Variants in SMAP1 observed in about 807,000 individuals in gnomAD.
SMAP1 encodes the protein small ArfGAP 1, also known as stromal membrane-associated protein 1.
In SMAP1, 24 loss-of-function variants were observed where a neutral mutation model predicts 58.5. The ratio of observed to expected loss-of-function variants is 0.41; its 90% confidence interval spans 0.30 to 0.58. SMAP1 has a LOEUF of 0.58. Among genes scored for constraint, SMAP1 ranks in the 20% least tolerant of loss-of-function variants. The pLI, the probability that SMAP1 is intolerant of heterozygous loss-of-function variation, is 0.29. For synonymous variants in SMAP1, 216 were observed against 196.6 expected (o/e 1.10, Z -0.82); for missense variants, 563 against 566.3 (o/e 0.99, Z 0.06).
intron 3 of SMAP1, among the ~76,000 whole-genome samples, chr6:70,766,069 A>G (rs571497272): frequency 6.6e-6 from 1 of 152,340 alleles, no homozygotes; most frequent in East Asian, 1.9e-4. Flanking sequence ...TACAAAGGAC[A>G]TGAACTCATC....
chr6:70,784,589 C>A (rs559319041), intron 4 of SMAP1, among the ~76,000 whole-genome samples: 12 of 151,852 alleles, frequency 7.9e-5, no homozygotes, highest in South Asian at 2.1e-4. Context: ...ATAGGCTCAA[C>A]ATAAAGGGAT....
chr6:70,809,276 T>C (rs957411100), intron 6 of SMAP1, among the ~76,000 whole-genome samples: 1 of 152,120 alleles, frequency 6.6e-6, no homozygotes, highest in Admixed American at 6.6e-5. Flanking sequence ...AAGGAGATAA[T>C]GTAGATGAAT....
chr6:70,770,134 G>A (rs1221104317), intron 3 of SMAP1, among the ~76,000 whole-genome samples: 7 of 151,810 alleles, frequency 4.6e-5, no homozygotes, highest in Non-Finnish European at 7.4e-5. Flanking sequence ...AGTCTGATGG[G>A]CTTCCCTTTG....
At chr6:70,681,583 T>G (rs1307541371) in intron 1 of SMAP1, among the ~76,000 whole-genome samples, 1 of 152,212 alleles carries the variant, frequency 6.6e-6, no homozygotes, top group Non-Finnish European at 1.5e-5. Context: ...AAAATAAATT[T>G]AATGGTCTGA....
chr6:70,689,342 C>T (rs1474833962), intron 1 of SMAP1, among the ~76,000 whole-genome samples: 1 of 152,088 alleles, frequency 6.6e-6, no homozygotes, highest in Non-Finnish European at 1.5e-5. Flanking sequence ...TAGTCTTTCT[C>T]CTTTTGCACC....
intron 1 of SMAP1, among the ~76,000 whole-genome samples, chr6:70,728,830 TC>T (rs1360703630): frequency 6.6e-6 from 1 of 152,176 alleles, no homozygotes; most frequent in Admixed American, 6.5e-5. Context: ...GGGTGAATTA[TC>T]TTTCTCCCTC....
intron 6 of SMAP1, among the ~76,000 whole-genome samples, chr6:70,834,987 C>T (rs771527353): frequency 2.8e-4 from 42 of 151,896 alleles, no homozygotes; most frequent in African/African-American, 9.2e-4. Flanking sequence ...CAGTGGCTCA[C>T]GCCTGTAATC....
chr6:70,851,192 ACT>A (rs1771171222), intron 7 of SMAP1, among the ~76,000 whole-genome samples: 1 of 152,080 alleles, frequency 6.6e-6, no homozygotes. Flanking sequence ...GGCTTTACAC[ACT>A]CTTTTGTAAA....
At chr6:70,836,419 A>G (rs1466580648) in intron 6 of SMAP1, among the ~76,000 whole-genome samples, 1 of 152,208 alleles carries the variant, frequency 6.6e-6, no homozygotes, top group Admixed American at 6.5e-5. Flanking sequence ...CATGGGAATT[A>G]TGGGAGCTAT....
intron 6 of SMAP1, among the ~76,000 whole-genome samples, chr6:70,819,841 A>G (rs1769808253): frequency 6.6e-6 from 1 of 152,228 alleles, no homozygotes; most frequent in Admixed American, 6.5e-5. Flanking sequence ...TTACAGTAAT[A>G]TGCTTCTACT....
At chr6:70,844,467 TGTA>T (rs908400711) in intron 7 of SMAP1, among the ~76,000 whole-genome samples, 9 of 152,130 alleles carry the variant, frequency 5.9e-5, no homozygotes, top group Admixed American at 4.6e-4. Context: ...TGTAGAAATG[TGTA>T]GTAGATTTCC....
intron 1 of SMAP1, among the ~76,000 whole-genome samples, chr6:70,698,098 G>C (rs1044421136): frequency 6.6e-6 from 1 of 152,134 alleles, no homozygotes; most frequent in Non-Finnish European, 1.5e-5. Context: ...GTCTGGTGTT[G>C]ATGAAATCCC....
intron 10 of SMAP1, 198 bp from the exon 11 acceptor site, chr6:70,860,002 A>C: frequency 4.0e-6 from 2 of 495,740 alleles, no homozygotes; most frequent in Non-Finnish European, 3.3e-6. Flanking sequence ...TCTTTGGGGA[A>C]ACTGTATCTA....
chr6:70,719,148 G>T (rs1768406432), intron 1 of SMAP1, among the ~76,000 whole-genome samples: 1 of 152,096 alleles, frequency 6.6e-6, no homozygotes, highest in South Asian at 2.1e-4. Context: ...AAAAGTACTT[G>T]TTCTATGAAA....
At chr6:70,811,405 T>C (rs1443296071) in intron 6 of SMAP1, among the ~76,000 whole-genome samples, 1 of 152,126 alleles carries the variant, frequency 6.6e-6, no homozygotes, top group Non-Finnish European at 1.5e-5. Flanking sequence ...CACTTGAGAA[T>C]TGTTGATTCA....
intron 4 of SMAP1, among the ~76,000 whole-genome samples, chr6:70,776,679 C>T (rs1767559772): frequency 6.6e-6 from 1 of 152,156 alleles, no homozygotes; most frequent in Admixed American, 6.5e-5. Flanking sequence ...GTCCATAGTT[C>T]TTCCCTCTAC....
At chr6:70,766,318 C>T (rs1181172412) in intron 3 of SMAP1, among the ~76,000 whole-genome samples, 4 of 152,230 alleles carry the variant, frequency 2.6e-5, no homozygotes, top group African/African-American at 9.6e-5. Flanking sequence ...GAGGAATCAA[C>T]ACACTGACTT....
intron 1 of SMAP1, among the ~76,000 whole-genome samples, chr6:70,703,936 T>A (rs1483041503): frequency 6.6e-6 from 1 of 152,218 alleles, no homozygotes. Context: ...GGCTCTCACC[T>A]AGTTTGTTTT....
At chr6:70,748,257 T>A (rs1464069719) in intron 2 of SMAP1, among the ~76,000 whole-genome samples, 1 of 152,214 alleles carries the variant, frequency 6.6e-6, no homozygotes, top group Non-Finnish European at 1.5e-5. Context: ...TTCATTTTTC[T>A]TTATAAAAGT....
Sources: gnomAD v4.1 joint callset for allele counts (sites outside exome capture counted in the v4.1 genomes callset) on GRCh38, gnomAD v4.1.1 for gene constraint, MANE v1.5 for transcripts, NCBI Gene and HGNC (gene_info 2026-07-23, HGNC 2026-07-21) for gene names.